BRINP1: variants seen among roughly 807,000 people sequenced by gnomAD.
The protein encoded by BRINP1 is BMP/retinoic acid-inducible neural-specific protein 1.
In BRINP1, 17 loss-of-function variants were observed where a neutral mutation model predicts 72.9. The ratio of observed to expected loss-of-function variants is 0.23; its 90% CI spans 0.16 to 0.35. BRINP1 has a LOEUF of 0.35. BRINP1 is among the 10% of genes least tolerant of loss of function. The pLI is 1.00. For missense variants in BRINP1, 850 were observed against 1,001.6 expected (o/e 0.85, Z 2.04); for synonymous variants, 418 against 378.5 (o/e 1.10, Z -1.21).
intron 2 of BRINP1, among the ~76,000 whole-genome samples, chr9:119,259,908 C>T (rs533427125): frequency 6.6e-6 from 1 of 152,174 alleles, no homozygotes; most frequent in African/African-American, 2.4e-5. Context: ...ACTTTTTTCC[C>T]GGCAAGTAAT....
chr9:119,352,226 A>G, intron 1 of BRINP1, among the ~76,000 whole-genome samples: 1 of 152,236 alleles, frequency 6.6e-6, no homozygotes, highest in East Asian at 1.9e-4. Context: ...GCCTTTGGTC[A>G]GTATGATTAA....
Position 119,214,080 on chromosome 9 carries a change from C to G in BRINP1, c.761G>C (p.Gly254Ala). 1.2e-6 allele frequency: 2 copies of G among 1,614,194 alleles called. No homozygotes were observed. The highest frequency in any genetic ancestry group is 1.7e-6 in the Non-Finnish European group (2 of 1,180,026). ...GTTCTGGCACAGGTACTCCCCCTCC[C>G]CATTGCACATGATATAGCTCAAGGC... ...QSALSYIMCN[G>A]EGEYLCQNSQ... The change falls in exon 6 of 8, where the codon GGG (glycine) becomes GCG (alanine). Residue 254 changes from glycine (G) to alanine (A), a missense_variant. Physicochemically the swap from Gly to Ala is moderately conservative, Grantham distance 60. Coordinates refer to ENST00000265922, the MANE Select transcript of BRINP1 (RefSeq NM_014618.3).
At chr9:119,323,417 A>G (rs1390608708) in intron 1 of BRINP1, among the ~76,000 whole-genome samples, 1 of 152,224 alleles carries the variant, frequency 6.6e-6, no homozygotes, top group Non-Finnish European at 1.5e-5. Context: ...TGGGCCACCT[A>G]CAAGGGAAAA....
intron 1 of BRINP1, among the ~76,000 whole-genome samples, chr9:119,356,753 C>A (rs776714119): frequency 6.7e-6 from 1 of 149,912 alleles, no homozygotes; most frequent in Non-Finnish European, 1.5e-5. Context: ...TGCAGTAAAC[C>A]GAGATCGCAC....
intron 2 of BRINP1, among the ~76,000 whole-genome samples, chr9:119,265,890 T>G (rs1424063505): frequency 1.3e-5 from 2 of 152,160 alleles, no homozygotes; most frequent in Admixed American, 1.3e-4. Flanking sequence ...TCGCTCCCTC[T>G]CTCCTCCTTC....
In BRINP1 at chr9:119,368,492, C is replaced by G. The variant is rs940738873; in HGVS notation, c.-51+564G>C. ...CCATCTACAGCCCCATAATCCTCCCCAAACCCCAAGCCCAGAGCCCCAAGA... is the reference window on the plus strand; with the variant it reads ...CCATCTACAGCCCCATAATCCTCCCGAAACCCCAAGCCCAGAGCCCCAAGA... On this transcript the variant is annotated intron_variant, in intron 1 of 7. Transcript: ENST00000265922. The surrounding 1 kb of genome is among the most constrained non-coding windows in gnomAD (Gnocchi z 4.7). 1.3e-5 allele frequency among the ~76,000 whole-genome samples: 2 copies of G among 152,218 alleles called. No individual in the cohort carries two copies. The highest frequency in any genetic ancestry group is 4.8e-5 in the African/African-American group (2 of 41,546).
intron 1 of BRINP1, among the ~76,000 whole-genome samples, chr9:119,333,838 T>C (rs1831324273): frequency 6.6e-6 from 1 of 152,204 alleles, no homozygotes; most frequent in African/African-American, 2.4e-5. Flanking sequence ...ATTGCATCTT[T>C]TGGATGAAAG....
intron 1 of BRINP1, among the ~76,000 whole-genome samples, chr9:119,352,957 C>G (rs1831520693): frequency 6.6e-6 from 1 of 152,114 alleles, no homozygotes; most frequent in African/African-American, 2.4e-5. Context: ...GCCAAAGTGT[C>G]TGTATTTGAA....
intron 7 of BRINP1, among the ~76,000 whole-genome samples, chr9:119,178,914 G>GA (rs1554745431): frequency 6.6e-6 from 1 of 152,152 alleles, no homozygotes; most frequent in Non-Finnish European, 1.5e-5. Flanking sequence ...GAAAAATACT[G>GA]AAAGTTTGAG....
chr9:119,233,848 A>G (rs1459749592), intron 5 of BRINP1, among the ~76,000 whole-genome samples: 1 of 151,968 alleles, frequency 6.6e-6, no homozygotes, highest in Non-Finnish European at 1.5e-5. Context: ...AAAACCGTGT[A>G]TTTGTTTTTA....
intron 2 of BRINP1, among the ~76,000 whole-genome samples, chr9:119,274,565 T>C (rs1411603469): frequency 1.3e-5 from 2 of 152,162 alleles, no homozygotes; most frequent in African/African-American, 2.4e-5. Flanking sequence ...GGAACACACA[T>C]TCTTTTGCTG....
intron 2 of BRINP1, among the ~76,000 whole-genome samples, chr9:119,260,006 A>G (rs1830481914): frequency 6.6e-6 from 1 of 152,200 alleles, no homozygotes; most frequent in African/African-American, 2.4e-5. Flanking sequence ...CCAAATCCAC[A>G]TTCTCAGCTA....
At chr9:119,211,159 ATTAACT>A (rs1320373744) in intron 6 of BRINP1, among the ~76,000 whole-genome samples, 6 of 148,750 alleles carry the variant, frequency 4.0e-5, no homozygotes, top group East Asian at 2.0e-4. Flanking sequence ...AGTTAAATAC[ATTAACT>A]TTATTTATTT....
intron 1 of BRINP1, among the ~76,000 whole-genome samples, chr9:119,341,432 A>G (rs1405373952): frequency 6.6e-6 from 1 of 152,204 alleles, no homozygotes; most frequent in Non-Finnish European, 1.5e-5. Flanking sequence ...TCCCCAACTT[A>G]CAATGGTTTG....
chr9:119,192,420 TAA>T (rs1389094719), intron 7 of BRINP1, among the ~76,000 whole-genome samples: 2 of 151,954 alleles, frequency 1.3e-5, no homozygotes, highest in African/African-American at 4.8e-5. Flanking sequence ...CAACCCAATT[TAA>T]AAAATGAACA....
chr9:119,358,705 A>G (rs965125885), intron 1 of BRINP1, among the ~76,000 whole-genome samples: 2 of 152,030 alleles, frequency 1.3e-5, no homozygotes, highest in Admixed American at 6.6e-5. Flanking sequence ...AAGAAAAAAA[A>G]AGAGAGAGAG....
Position 119,166,989 on chromosome 9 carries a change from A to C in BRINP1, c.*95T>G. 1 of 1,319,264 alleles carries C rather than the reference A, an allele frequency of 7.6e-7. No homozygotes were observed. Among genetic ancestry groups the C allele is most frequent in the Non-Finnish European group, 1.0e-6 (1 of 960,784 alleles). 81.7% of individuals were successfully genotyped at this position (1,319,264 alleles called of 1,614,324 possible). A position where few individuals can be genotyped will look rare whatever the true frequency, so the allele number is the denominator to read the frequency against. On this transcript the variant is annotated 3_prime_UTR_variant, in exon 8 of 8. Transcript: ENST00000265922. ...TTTCTTTGAATATTAATTACATTTTACAAATTTTTGTGGGTTTTTTTGTTT... is the reference window on the plus strand; with the variant it reads ...TTTCTTTGAATATTAATTACATTTTCCAAATTTTTGTGGGTTTTTTTGTTT...
At chr9:119,225,290 A>G (rs865820714) in intron 5 of BRINP1, among the ~76,000 whole-genome samples, 4 of 152,170 alleles carry the variant, frequency 2.6e-5, no homozygotes, top group Middle Eastern at 3.4e-3. Context: ...AAAATACCAC[A>G]TATTGTATGA....
intron 2 of BRINP1, among the ~76,000 whole-genome samples, chr9:119,266,744 T>C (rs1258171704): frequency 2.6e-5 from 4 of 152,246 alleles, no homozygotes; most frequent in African/African-American, 7.2e-5. Flanking sequence ...AAGTGAAATA[T>C]GCAATATTTG....
Sources: gnomAD v4.1 joint callset for allele counts (sites outside exome capture counted in the v4.1 genomes callset) on GRCh38, gnomAD v4.1.1 for gene constraint, Gnocchi (gnomAD v3.1) non-coding constraint, MANE v1.5 for transcripts, NCBI Gene and HGNC (gene_info 2026-07-23, HGNC 2026-07-21) for gene names.